Variants in UNC13B observed in about 807,000 individuals in gnomAD.
The protein encoded by UNC13B is unc-13 homolog B.
A neutral mutation model predicts 211.0 loss-of-function variants in UNC13B; 144 were observed. The observed-to-expected ratio is 0.68, with a 90% CI of 0.60 to 0.78. The LOEUF is 0.78. Ranked by LOEUF, UNC13B falls within the 30% of genes least tolerant of loss-of-function variation. The pLI, the probability that UNC13B is intolerant of heterozygous loss-of-function variation, is 0.00. For missense variants in UNC13B, 1,777 were observed against 2,002.0 expected, an observed-to-expected ratio of 0.89 and a Z score of 2.14; for synonymous variants, 709 against 725.8, an observed-to-expected ratio of 0.98 and a Z score of 0.37.
At chr9:35,399,065 G>A (rs1346424750) in intron 33 of UNC13B, 31 bp downstream of exon 33, 2 of 1,613,506 alleles carry the variant, frequency 1.2e-6, no homozygotes, top group South Asian at 2.2e-5. Flanking sequence ...TATCCTGTGG[G>A]GATGAGCAAA....
intron 1 of UNC13B, among the ~76,000 whole-genome samples, chr9:35,178,920 C>T (rs982967209): frequency 3.4e-5 from 5 of 148,010 alleles, no homozygotes; most frequent in Non-Finnish European, 7.5e-5. Flanking sequence ...GACAATGTCT[C>T]ACCATCTTAG....
chr9:35,337,591 T>C (rs1307235445), intron 11 of UNC13B, among the ~76,000 whole-genome samples: 2 of 152,240 alleles, frequency 1.3e-5, no homozygotes, highest in South Asian at 4.1e-4. Context: ...CTTCATTAAG[T>C]CTTCTTTTCC....
intron 1 of UNC13B, among the ~76,000 whole-genome samples, chr9:35,206,983 A>ATG (rs1017413161): frequency 6.6e-6 from 1 of 151,416 alleles, no homozygotes; most frequent in Non-Finnish European, 1.5e-5. Flanking sequence ...TGCTGTTTGG[A>ATG]TGTTATGTAT....
intron 7 of UNC13B, among the ~76,000 whole-genome samples, chr9:35,290,151 A>G (rs1388335812): frequency 6.6e-6 from 1 of 152,058 alleles, no homozygotes; most frequent in Non-Finnish European, 1.5e-5. Context: ...AATAAAAAAT[A>G]TTTTCAATTT....
At chr9:35,326,544 C>G (rs1327004528) in intron 11 of UNC13B, among the ~76,000 whole-genome samples, 1 of 152,118 alleles carries the variant, frequency 6.6e-6, no homozygotes, top group African/African-American at 2.4e-5. Flanking sequence ...CACCACCACA[C>G]CTGGCTAAGT....
At chr9:35,308,450 G>A (rs1230052124) in intron 9 of UNC13B, 38 bp downstream of exon 9, 2 of 398,482 alleles carry the variant, frequency 5.0e-6, no homozygotes, top group Non-Finnish European at 8.8e-6. Flanking sequence ...TGGCTTTAAG[G>A]AATTGACCAT....
intron 7 of UNC13B, among the ~76,000 whole-genome samples, chr9:35,264,578 C>T (rs1827462801): frequency 6.6e-6 from 1 of 152,048 alleles, no homozygotes; most frequent in Admixed American, 6.6e-5. Flanking sequence ...AAGACTGGAC[C>T]ATAGAGCTAT....
chr9:35,182,578 T>C (rs1822000197), intron 1 of UNC13B, among the ~76,000 whole-genome samples: 1 of 152,114 alleles, frequency 6.6e-6, no homozygotes, highest in Admixed American at 6.6e-5. Flanking sequence ...GATAAACACG[T>C]GAACAAAGGT....
In UNC13B at chr9:35,306,975, A is replaced by C. The variant is rs1021726749; in HGVS notation, c.7571A>C (p.Gln2524Pro). The C allele has an allele frequency of 2.3e-5, 9 of 398,932 alleles. No individual in the cohort carries two copies. Among genetic ancestry groups the C allele is most frequent in the African/African-American group, 1.9e-4 (9 of 48,630 alleles). 24.7% of individuals were successfully genotyped at this position (398,932 alleles called of 1,614,324 possible). ...FKSPKPEPYKQESSLPATSWL... is the reference protein window; with the variant it reads ...FKSPKPEPYKPESSLPATSWL... ...AGTCCCAAGCCAGAGCCATACAAAC[A>C]AGAATCATCTCTCCCAGCTACTTCA... The change falls in exon 9 of 40, where the codon CAA becomes CCA. Residue 2524 changes from glutamine to proline, a missense_variant. Coordinates refer to ENST00000635942, the MANE Select transcript of UNC13B (RefSeq NM_001371189.2).
intron 1 of UNC13B, among the ~76,000 whole-genome samples, chr9:35,174,725 A>G (rs897919070): frequency 2.0e-5 from 3 of 151,434 alleles, no homozygotes; most frequent in Admixed American, 6.6e-5. Context: ...TTTTTTTTGT[A>G]CTTTTAGTAG....
intron 6 of UNC13B, among the ~76,000 whole-genome samples, chr9:35,244,438 A>C (rs1254652310): frequency 3.9e-5 from 6 of 152,202 alleles, no homozygotes. Flanking sequence ...GGTGGCTTAC[A>C]GCAACCAAAA....
intron 10 of UNC13B, among the ~76,000 whole-genome samples, chr9:35,313,451 A>G (rs531549122): frequency 2.0e-5 from 3 of 151,946 alleles, no homozygotes; most frequent in South Asian, 2.1e-4. Context: ...ATGGCGAAAC[A>G]TCGTCTCTAC....
chr9:35,196,909 T>C (rs577355205), intron 1 of UNC13B, among the ~76,000 whole-genome samples: 1 of 152,160 alleles, frequency 6.6e-6, no homozygotes, highest in Admixed American at 6.5e-5. Flanking sequence ...AAGCTGAGAC[T>C]GCAGGCATGT....
Position 35,376,084 on chromosome 9 carries a change from C to T in UNC13B, c.9672C>T (p.Thr3224=), listed in dbSNP as rs146131249. 3.0e-4 allele frequency: 484 copies of T among 1,614,140 alleles called. No homozygotes were observed. The highest frequency in any genetic ancestry group is 3.8e-4 in the Non-Finnish European group (445 of 1,180,054). ...LQALIYPISC[T]TPHNFEVWTA... ...CCTTAATCTACCCCATTTCGTGCAC[C>T]ACTCCTCATAACTTTGAGGTCTGGA... The change falls in exon 15 of 40, where the codon ACC becomes ACT. Residue 3224 remains threonine, a synonymous_variant. Coordinates refer to ENST00000635942, the MANE Select transcript of UNC13B (RefSeq NM_001371189.2).
At chr9:35,370,435 TG>T in intron 13 of UNC13B, 39 bp downstream of exon 13, 1 of 1,595,914 alleles carries the variant, frequency 6.3e-7, no homozygotes. Context: ...GCAGTAGCCT[TG>T]GGGTATCCCC....
intron 11 of UNC13B, among the ~76,000 whole-genome samples, chr9:35,358,690 ATTTTTTTTT>A (rs918370577): frequency 9.2e-6 from 1 of 108,704 alleles, no homozygotes; most frequent in Non-Finnish European, 1.9e-5. Context: ...TAGGTCTATG[ATTTTTTTTT>A]TTTTTTTTTT....
intron 11 of UNC13B, among the ~76,000 whole-genome samples, chr9:35,355,033 G>A (rs1262701154): frequency 6.6e-6 from 1 of 152,082 alleles, no homozygotes; most frequent in Non-Finnish European, 1.5e-5. Context: ...TAAATTATTG[G>A]CACGTCCAAA....
At position 35,300,678 on chromosome 9, in the gene UNC13B, T is replaced by C. The variant is rs1194254876; in HGVS notation, c.1274T>C (p.Met425Thr). ...AATTCAGCATTGCCATTACAAAGGA[T>C]GAATTGTGATGCAAAAACACTTGGA... ...VANSALPLQRMNCDAKTLGDL... is the reference protein window; with the variant it reads ...VANSALPLQRTNCDAKTLGDL... The change falls in exon 9 of 40, where the codon ATG (methionine) becomes ACG (threonine). Residue 425 changes from methionine (M) to threonine (T), a missense_variant. Transcript: ENST00000635942. The C allele has an allele frequency of 2.5e-6, 1 of 398,986 alleles. No individual in the cohort carries two copies. The highest frequency in any genetic ancestry group is 4.4e-5 in the Admixed American group (1 of 22,738). 24.7% of individuals were successfully genotyped at this position (398,986 alleles called of 1,614,324 possible). A position where few individuals can be genotyped will look rare whatever the true frequency, so the allele number is the denominator to read the frequency against.
chr9:35,378,187 G>C, intron 16 of UNC13B, 108 bp from the exon 17 acceptor site: 1 of 1,422,768 alleles, frequency 7.0e-7, no homozygotes, highest in Non-Finnish European at 9.5e-7. Context: ...ATGGGATTAC[G>C]GTATCTGTGC....
Sources: gnomAD v4.1 joint callset for allele counts (sites outside exome capture counted in the v4.1 genomes callset) on GRCh38, gnomAD v4.1.1 for gene constraint, MANE v1.5 for transcripts, NCBI Gene and HGNC (gene_info 2026-07-23, HGNC 2026-07-21) for gene names.